The following ATP2B3 variants were observed in gnomAD, a reference collection of about 807,000 sequenced individuals.
The protein encoded by ATP2B3 is plasma membrane calcium-transporting ATPase 3.
ATP2B3 carries 12 observed loss-of-function variants against 70.8 expected under a neutral mutation model. The observed-to-expected ratio is 0.17, with a 90% CI of 0.11 to 0.27. The LOEUF is 0.27. Ranked by LOEUF, ATP2B3 falls within the 10% of genes least tolerant of loss-of-function variation. ATP2B3 has a pLI of 1.00. For synonymous variants in ATP2B3, 460 were observed against 497.8 expected (o/e 0.92, Z 1.01); for missense variants, 858 against 1,118.5 (o/e 0.77, Z 3.32).
chrX:153,556,308 G>A (rs782586856), intron 14 of ATP2B3, 23 bp from the exon 15 acceptor site: 110 of 1,203,177 alleles, frequency 9.1e-5, no homozygotes, highest in South Asian at 2.0e-4. Context: ...GCTCTGCAGC[G>A]TCCTTGTGCT....
intron 21 of ATP2B3, among the ~76,000 whole-genome samples, chrX:153,579,669 G>A (rs782588097): frequency 1.9e-4 from 21 of 111,992 alleles, no homozygotes; most frequent in Non-Finnish European, 3.2e-4. Flanking sequence ...GCCCAGCTCA[G>A]CCTAGAGAAA....
chrX:153,524,998 G>A (rs1473157191), intron 2 of ATP2B3, among the ~76,000 whole-genome samples: 3 of 112,099 alleles, frequency 2.7e-5, no homozygotes, highest in African/African-American at 6.5e-5. Flanking sequence ...TTGACTCTCC[G>A]CAGATGGGAG....
chrX:153,529,853 A>C (rs1488330587), intron 2 of ATP2B3, among the ~76,000 whole-genome samples: 6 of 111,954 alleles, frequency 5.4e-5, no homozygotes, highest in Admixed American at 1.9e-4. Flanking sequence ...TACTGAGTCC[A>C]ACGTCCTCAA....
chrX:153,572,994 C>T (rs1452678202), intron 21 of ATP2B3, among the ~76,000 whole-genome samples: 6 of 112,426 alleles, frequency 5.3e-5, no homozygotes, highest in Non-Finnish European at 5.6e-5. Flanking sequence ...ACCCCAGCCA[C>T]GCATCCAAAG....
intron 2 of ATP2B3, among the ~76,000 whole-genome samples, chrX:153,521,988 G>A (rs782072684): frequency 7.1e-5 from 8 of 112,202 alleles, no homozygotes; most frequent in African/African-American, 1.9e-4. Flanking sequence ...CAGCAGCTTG[G>A]GCTCCCCCAG....
intron 3 of ATP2B3, among the ~76,000 whole-genome samples, chrX:153,539,787 G>C (rs1214933819): frequency 8.8e-6 from 1 of 113,257 alleles, no homozygotes; most frequent in Non-Finnish European, 1.9e-5. Flanking sequence ...GGCCAGAGGA[G>C]GGTGTCATCC....
At chrX:153,526,519 G>C (rs1603018251) in intron 2 of ATP2B3, among the ~76,000 whole-genome samples, 1 of 111,960 alleles carries the variant, frequency 8.9e-6, no homozygotes, top group Non-Finnish European at 1.9e-5. Flanking sequence ...TCCTCGCTCA[G>C]AAATAGTGTC....
intron 3 of ATP2B3, among the ~76,000 whole-genome samples, chrX:153,540,004 A>C (rs782469465): frequency 8.9e-6 from 1 of 112,921 alleles, no homozygotes; most frequent in East Asian, 2.8e-4. Flanking sequence ...TTTGGGTGTC[A>C]TTCAAGTCGC....
chrX:153,537,576 T>A, intron 3 of ATP2B3, among the ~76,000 whole-genome samples: 1 of 112,997 alleles, frequency 8.8e-6, no homozygotes, highest in Non-Finnish European at 1.9e-5. Flanking sequence ...AACTCCAGGG[T>A]CTGCCTGGGT....
At chrX:153,520,121 A>T (rs2089936829) in intron 2 of ATP2B3, among the ~76,000 whole-genome samples, 1 of 112,296 alleles carries the variant, frequency 8.9e-6, no homozygotes, top group Non-Finnish European at 1.9e-5. Context: ...CAGAGGTTGA[A>T]TCATTCACTA....
intron 5 of ATP2B3, 78 bp from the exon 6 acceptor site, chrX:153,542,245 T>C: frequency 8.5e-7 from 1 of 1,177,649 alleles, no homozygotes; most frequent in Admixed American, 2.3e-5. Flanking sequence ...AGGCGGCCCA[T>C]GGCACCTGAC....
At chrX:153,571,798 T>G (rs1267590228) in intron 21 of ATP2B3, among the ~76,000 whole-genome samples, 1 of 112,558 alleles carries the variant, frequency 8.9e-6, no homozygotes, top group Non-Finnish European at 1.9e-5. Context: ...CCTTGCACAC[T>G]GTGTGCTCCA....
At chrX:153,526,082 C>T (rs183179976) in intron 2 of ATP2B3, among the ~76,000 whole-genome samples, 30 of 112,597 alleles carry the variant, frequency 2.7e-4, no homozygotes, top group Admixed American at 2.5e-3. Flanking sequence ...GAGGGGGTAT[C>T]TGAGATGGAG....
At chrX:153,536,752 ACAGGG>A (rs781794038) in intron 3 of ATP2B3, among the ~76,000 whole-genome samples, 4 of 112,372 alleles carry the variant, frequency 3.6e-5, no homozygotes, top group African/African-American at 1.3e-4. Context: ...CTTCCGAGGA[ACAGGG>A]CAGGGCAGGG....
intron 13 of ATP2B3, among the ~76,000 whole-genome samples, chrX:153,555,219 CT>C (rs2090516886): frequency 9.0e-6 from 1 of 111,088 alleles, no homozygotes; most frequent in Admixed American, 9.5e-5. Flanking sequence ...CACAGCCCCC[CT>C]GCCCATGGCC....
intron 3 of ATP2B3, among the ~76,000 whole-genome samples, chrX:153,539,738 G>A (rs1018561094): frequency 5.3e-5 from 6 of 113,063 alleles, no homozygotes; most frequent in Non-Finnish European, 9.4e-5. Flanking sequence ...AGGGCTCCTC[G>A]GGATCAGCCG....
intron 13 of ATP2B3, 21 bp from the exon 14 acceptor site, chrX:153,556,028 C>T (rs2090528868): frequency 8.3e-7 from 1 of 1,210,614 alleles, no homozygotes; most frequent in Admixed American, 2.2e-5. Context: ...TGGCCCCGCC[C>T]ACCTCTCTTG....
chrX:153,566,804 G>A (rs1304659577), intron 21 of ATP2B3, among the ~76,000 whole-genome samples: 3 of 111,115 alleles, frequency 2.7e-5, no homozygotes, highest in Non-Finnish European at 5.7e-5. Flanking sequence ...CCCAACTCCC[G>A]CTGCGTCCCC....
intron 19 of ATP2B3, 66 bp from the exon 20 acceptor site, chrX:153,562,069 G>T: frequency 9.6e-7 from 1 of 1,046,841 alleles, no homozygotes. Flanking sequence ...TCTTCAAGGG[G>T]TTGGAGGACA....
Sources: allele counts gnomAD v4.1 joint callset (sites outside exome capture counted in the v4.1 genomes callset), GRCh38; gene constraint gnomAD v4.1.1; transcripts MANE v1.5; gene names NCBI Gene and HGNC (gene_info 2026-07-23, HGNC 2026-07-21).